AVIL: variants seen among roughly 807,000 people sequenced by gnomAD.
AVIL encodes advillin.
AVIL carries 78 observed loss-of-function variants against 109.9 expected under a neutral mutation model. The ratio of observed to expected loss-of-function variants is 0.71; its 90% CI spans 0.59 to 0.86. The LOEUF is 0.86. Among genes scored for constraint, AVIL ranks in the 40% least tolerant of loss-of-function variants. The probability of loss-of-function intolerance (pLI) is 0.00; values close to 1 mark genes in which losing one functional copy is unlikely to be tolerated. For synonymous variants in AVIL, 367 were observed against 379.1 expected, an observed-to-expected ratio of 0.97 and a Z score of 0.37; for missense variants, 892 against 1,016.5, an observed-to-expected ratio of 0.88 and a Z score of 1.67.
intron 14 of AVIL, chr12:57,804,444 GTTT>G (rs938780021): frequency 2.0e-5 from 3 of 152,226 alleles, no homozygotes; most frequent in African/African-American, 4.8e-5. Context: ...TGTGAAGATA[GTTT>G]TTTGTTTTAC....
chr12:57,807,474 G>A lies in AVIL; in HGVS notation c.1348C>T (p.Gln450Ter), dbSNP rs1955966480. ...TATGCTGAGGCTGCCAGCTCATCCT[G>A]TGAGGCGTGGCGGCCCTGCAATGGT... ...LYIWQGRHAS[Q>*]DELAASAYQA... Residue 450 changes from glutamine to a stop codon, truncating the protein, a stop_gained, in exon 13 of 20, where the codon CAG becomes TAG. Transcript: ENST00000549994. LOFTEE classifies it high-confidence loss of function. 1 of 1,614,104 alleles carries A rather than the reference G, an allele frequency of 6.2e-7. No homozygotes were observed. The highest frequency in any genetic ancestry group is 1.3e-5 in the African/African-American group (1 of 74,936).
In AVIL at chr12:57,806,326, G is replaced by C; in HGVS notation, c.1671+34C>G. 1.9e-6 allele frequency: 3 copies of C among 1,612,298 alleles called. No homozygotes were observed. The South Asian group carries it at 3.3e-5, about 18-fold the overall frequency. ...AGGGGAGTGCAGGTCTGGGCTCCGAGGGGCTGGTCTGACCCGGGGCCCAGC... is the reference window on the plus strand; with the variant it reads ...AGGGGAGTGCAGGTCTGGGCTCCGACGGGCTGGTCTGACCCGGGGCCCAGC... On this transcript the variant is annotated intron_variant, in intron 14 of 19. Transcript: ENST00000549994.
chr12:57,803,600 T>G lies in AVIL; in HGVS notation c.1741A>C (p.Thr581Pro). Residue 581 changes from threonine (T) to proline (P), a missense_variant, in exon 15 of 20, where the codon ACT becomes CCT. Coordinates refer to ENST00000549994, the MANE Select transcript of AVIL (RefSeq NM_006576.4). ...GCTGGCTCCTGGCCCTCGGCCACAG[T>G]GTTCTCGCTGCCATCACAGAGAAGG... Reference protein sequence around the residue: ...ASLLCDGSENTVAEGQEPAEF... With the variant: ...ASLLCDGSENPVAEGQEPAEF... 1 of 1,614,070 alleles carries G rather than the reference T, an allele frequency of 6.2e-7. No homozygotes were observed. Among genetic ancestry groups the G allele is most frequent in the Non-Finnish European group, 8.5e-7 (1 of 1,180,002 alleles).
At chr12:57,808,134 C>T in intron 11 of AVIL, 60 bp downstream of exon 11, 1 of 1,561,194 alleles carries the variant, frequency 6.4e-7, no homozygotes, top group South Asian at 1.1e-5. Flanking sequence ...CCCCTGCCCC[C>T]AGCAGGACAG....
At position 57,806,543 on chromosome 12, in the gene AVIL, G is replaced by C. The variant is rs1565833301; in HGVS notation, c.1492-4C>G. ...TTCCCTTCCTGGAAGTCCCACCCTA[G>C]AGAGAAGAAAAGCAGAGTCCAGATC... On this transcript the variant is annotated splice_region_variant and splice_polypyrimidine_tract_variant and intron_variant, in intron 13 of 19. Coordinates refer to ENST00000549994, the MANE Select transcript of AVIL (RefSeq NM_006576.4). The C allele has an allele frequency of 6.2e-7, 1 of 1,613,890 alleles. No individual in the cohort carries two copies. The highest frequency in any genetic ancestry group is 2.2e-5 in the East Asian group (1 of 44,880).
intron 11 of AVIL, 194 bp from the exon 12 acceptor site, chr12:57,807,921 G>T (rs1196337680): frequency 2.3e-6 from 2 of 878,854 alleles, no homozygotes; most frequent in Non-Finnish European, 1.8e-6. Flanking sequence ...GGGCCATCCT[G>T]TTCAGGAGCA....
intron 1 of AVIL, among the ~76,000 whole-genome samples, chr12:57,816,700 C>CTTT (rs11349032): frequency 4.3e-5 from 4 of 93,492 alleles, no homozygotes; most frequent in South Asian, 4.5e-4. Context: ...GGCTTTTGTC[C>CTTT]TTTTTTTTTT....
intron 14 of AVIL, among the ~76,000 whole-genome samples, chr12:57,804,596 G>A (rs1434594295): frequency 6.6e-6 from 1 of 152,160 alleles, no homozygotes; most frequent in Admixed American, 6.5e-5. Flanking sequence ...TGGATCACCT[G>A]AGGTCAGGAG....
intron 1 of AVIL, among the ~76,000 whole-genome samples, chr12:57,818,213 T>TTG: frequency 7.9e-6 from 1 of 126,356 alleles, no homozygotes; most frequent in Non-Finnish European, 1.7e-5. Flanking sequence ...TTTTTTTTTT[T>TTG]GTAGAGACAG....
chr12:57,798,078 G>A, intron 19 of AVIL, 83 bp from the exon 20 acceptor site: 3 of 966,140 alleles, frequency 3.1e-6, no homozygotes, highest in Non-Finnish European at 4.6e-6. Flanking sequence ...GAGCAAGAGG[G>A]AGTTCTAGGT....
intron 14 of AVIL, among the ~76,000 whole-genome samples, chr12:57,804,807 T>TCAAAAAAAAAAA (rs1465547765): frequency 6.8e-5 from 10 of 147,068 alleles, no homozygotes; most frequent in African/African-American, 2.5e-4. Flanking sequence ...AGACTCTGTC[T>TCAAAAAAAAAAA]CAAAAAAAAA....
chr12:57,818,182 C>CTTTTTTTTTGTTTTTTTTTT (rs1956120179), intron 1 of AVIL, among the ~76,000 whole-genome samples: 1 of 35,256 alleles, frequency 2.8e-5, no homozygotes, highest in African/African-American at 9.2e-5. Flanking sequence ...CCATGCTTGG[C>CTTTTTTTTTGTTTTTTTTTT]TTTTTTTTTT....
At chr12:57,809,574 T>C (rs897260561) in intron 9 of AVIL, 23 bp downstream of exon 9, 13 of 1,612,448 alleles carry the variant, frequency 8.1e-6, no homozygotes, top group African/African-American at 1.3e-5. Context: ...ATTTGAACAG[T>C]ATTGCACATC....
chr12:57,805,035 T>C (rs1223857894), intron 14 of AVIL, among the ~76,000 whole-genome samples: 6 of 152,158 alleles, frequency 3.9e-5, no homozygotes, highest in Non-Finnish European at 7.4e-5. Flanking sequence ...TTTCCTGTTC[T>C]TTTTTGTAAA....
At chr12:57,813,555 G>A (rs1956065081) in intron 3 of AVIL, 132 bp from the exon 4 acceptor site, 2 of 886,682 alleles carry the variant, frequency 2.3e-6, no homozygotes, top group Non-Finnish European at 3.4e-6. Flanking sequence ...TGCAGTGGAT[G>A]TGGGAGCTGC....
intron 19 of AVIL, among the ~76,000 whole-genome samples, chr12:57,798,870 C>G (rs1389232159): frequency 6.6e-6 from 1 of 152,160 alleles, no homozygotes; most frequent in Non-Finnish European, 1.5e-5. Context: ...CCACCTCACC[C>G]TCCCAAAGTG....
Position 57,809,870 on chromosome 12 carries a change from TGC to T in AVIL, c.780_781del (p.Gln261AlafsTer19). ...TGTTGCTACCTCTGTGACTGCCAGCTGCCCAGCTGAATCTGAGATACTGGAGA... is the reference window on the plus strand; with the variant it reads ...TGTTGCTACCTCTGTGACTGCCAGCTCCAGCTGAATCTGAGATACTGGAGA... On this transcript the variant is annotated frameshift_variant, in exon 8 of 20. Coordinates refer to ENST00000549994, the MANE Select transcript of AVIL (RefSeq NM_006576.4). LOFTEE classifies it high-confidence loss of function. The T allele has an allele frequency of 1.2e-6, 2 of 1,614,232 alleles. No individual in the cohort carries two copies. Among genetic ancestry groups the T allele is most frequent in the Non-Finnish European group, 1.7e-6 (2 of 1,180,040 alleles).
At chr12:57,799,612 T>C (rs963958888) in intron 19 of AVIL, among the ~76,000 whole-genome samples, 183 bp downstream of exon 19, 1 of 152,142 alleles carries the variant, frequency 6.6e-6, no homozygotes, top group Non-Finnish European at 1.5e-5. Flanking sequence ...GATAGACTGA[T>C]GTAGGTGGAG....
rs765241227 is a variant in AVIL, at chr12:57,797,894, C to G, written c.2448G>C (p.Lys816Asn). Residue 816 changes from lysine (K) to asparagine (N), a missense_variant, in exon 20 of 20, where the codon AAG (lysine) becomes AAC (asparagine). Lys to Asn is a moderately conservative substitution (Grantham distance 94). Transcript: ENST00000549994. ...GWKQLQMKKEKGLF is the reference protein window; with the variant it reads ...GWKQLQMKKENGLF Reference sequence around the variant, plus strand: ...AGGCCTTCTTGCTTTAGAAAAGCCCCTTTTCTTTCTTCATTTGGAGCTGTT... The same window carrying G: ...AGGCCTTCTTGCTTTAGAAAAGCCCGTTTTCTTTCTTCATTTGGAGCTGTT... 6.8e-6 allele frequency: 11 copies of G among 1,611,970 alleles called. No individual in the cohort carries two copies. The highest frequency in any genetic ancestry group is 9.3e-6 in the Non-Finnish European group (11 of 1,178,990).
Sources: gnomAD v4.1 joint callset for allele counts (sites outside exome capture counted in the v4.1 genomes callset) on GRCh38, gnomAD v4.1.1 for gene constraint, MANE v1.5 for transcripts, NCBI Gene and HGNC (gene_info 2026-07-23, HGNC 2026-07-21) for gene names.